The following FER1L6 variants were observed in gnomAD, a reference collection of about 807,000 sequenced individuals.
The protein encoded by FER1L6 is fer-1-like protein 6.
In FER1L6, 177 loss-of-function variants were observed where a neutral mutation model predicts 219.2. The ratio of observed to expected loss-of-function variants is 0.81; its 90% CI spans 0.71 to 0.91. FER1L6 has a LOEUF of 0.91. Ranked by LOEUF, FER1L6 falls within the 40% of genes least tolerant of loss-of-function variation. The probability of loss-of-function intolerance (pLI) is 0.00; values close to 1 mark genes in which losing one functional copy is unlikely to be tolerated. For missense variants in FER1L6, 2,153 were observed against 2,259.9 expected (o/e 0.95, Z 0.96); for synonymous variants, 768 against 824.3 (o/e 0.93, Z 1.17).
chr8:124,109,751 G>T (rs573090647), intron 39 of FER1L6, among the ~76,000 whole-genome samples: 1 of 152,244 alleles, frequency 6.6e-6, no homozygotes, highest in East Asian at 1.9e-4. Flanking sequence ...GCTTTGGTAG[G>T]ATATCCTGAA....
intron 33 of FER1L6, among the ~76,000 whole-genome samples, 171 bp downstream of exon 33, chr8:124,082,629 G>A (rs1037845517): frequency 1.3e-5 from 2 of 152,146 alleles, no homozygotes; most frequent in African/African-American, 4.8e-5. Flanking sequence ...ACTCTGTTCA[G>A]TGCATTTGAG....
At chr8:123,999,288 T>G (rs1817294896) in intron 12 of FER1L6, among the ~76,000 whole-genome samples, 1 of 152,234 alleles carries the variant, frequency 6.6e-6, no homozygotes, top group Non-Finnish European at 1.5e-5. Context: ...TGATTAATTC[T>G]GCTAGGACTG....
chr8:124,024,633 A>G (rs1378591141), intron 18 of FER1L6, among the ~76,000 whole-genome samples: 1 of 152,144 alleles, frequency 6.6e-6, no homozygotes, highest in Non-Finnish European at 1.5e-5. Flanking sequence ...TGTTGATTCC[A>G]TATCTTTGCA....
chr8:124,068,831 T>C (rs570415217), intron 28 of FER1L6, among the ~76,000 whole-genome samples: 2 of 152,280 alleles, frequency 1.3e-5, no homozygotes, highest in East Asian at 3.9e-4. Context: ...GATTTATATG[T>C]GCATGGGGTG....
At chr8:123,924,130 G>A (rs1813470800) in intron 1 of FER1L6, among the ~76,000 whole-genome samples, 1 of 150,672 alleles carries the variant, frequency 6.6e-6, no homozygotes, top group African/African-American at 2.4e-5. Flanking sequence ...AGCTACTCCA[G>A]AGGCTGAGGC....
chr8:124,066,479 G>A lies in FER1L6; in HGVS notation c.3607G>A (p.Ala1203Thr), dbSNP rs1317097976. The part of the protein sequence containing the change: ...RSTKRRKRTI[A>T]DESAENVIDW... The stretch of plus-strand genomic sequence containing the variant: ...CACTAAGAGGAGAAAGAGGACCATA[G>A]CAGATGAATCTGCTGAAAACGTGAT... Residue 1203 changes from alanine to threonine, a missense_variant, in exon 27 of 41, where the codon GCA becomes ACA. Transcript: ENST00000522917. The A allele has an allele frequency of 4.3e-6, 7 of 1,613,978 alleles. No homozygotes were observed. In the African/African-American group the frequency reaches 8.0e-5, roughly 18 times the overall value.
At chr8:123,984,598 G>A (rs1816475716) in intron 11 of FER1L6, 1 of 152,120 alleles carries the variant, frequency 6.6e-6, no homozygotes, top group South Asian at 2.1e-4. Flanking sequence ...AGGTGAGATA[G>A]GAGGCTAGTT....
At chr8:123,997,692 T>G (rs894700457) in intron 12 of FER1L6, among the ~76,000 whole-genome samples, 1 of 152,168 alleles carries the variant, frequency 6.6e-6, no homozygotes, top group Non-Finnish European at 1.5e-5. Context: ...TAGGCATGTT[T>G]TATTCTTTTC....
At chr8:124,025,859 AT>A (rs1818686049) in intron 18 of FER1L6, among the ~76,000 whole-genome samples, 1 of 152,004 alleles carries the variant, frequency 6.6e-6, no homozygotes, top group African/African-American at 2.4e-5. Context: ...TAGAATGAAC[AT>A]TTTTCTATCA....
intron 15 of FER1L6, 64 bp from the exon 16 acceptor site, chr8:124,017,564 C>T (rs746294090): frequency 6.2e-6 from 8 of 1,284,298 alleles, no homozygotes; most frequent in African/African-American, 3.0e-5. Flanking sequence ...ATTTGCAAAC[C>T]TCTGGAATTA....
chr8:124,091,839 T>A (rs973847501), intron 34 of FER1L6, among the ~76,000 whole-genome samples: 3 of 151,750 alleles, frequency 2.0e-5, no homozygotes, highest in Non-Finnish European at 4.4e-5. Flanking sequence ...TGGTGGCAGA[T>A]GCCTGTAATC....
At chr8:124,029,707 T>C (rs1300919112) in intron 18 of FER1L6, among the ~76,000 whole-genome samples, 2 of 152,256 alleles carry the variant, frequency 1.3e-5, no homozygotes, top group Admixed American at 6.5e-5. Flanking sequence ...TATCCCATTC[T>C]GTAGATTGCC....
intron 27 of FER1L6, among the ~76,000 whole-genome samples, chr8:124,066,928 C>T (rs1203394621): frequency 6.6e-6 from 1 of 152,060 alleles, no homozygotes; most frequent in Non-Finnish European, 1.5e-5. Flanking sequence ...AGTCTAAGGA[C>T]CCCAAGTCTT....
intron 22 of FER1L6, among the ~76,000 whole-genome samples, 170 bp downstream of exon 22, chr8:124,049,926 G>A (rs1290096533): frequency 6.6e-6 from 1 of 152,212 alleles, no homozygotes; most frequent in Non-Finnish European, 1.5e-5. Flanking sequence ...AGGTGACTTG[G>A]ACTATTCCCA....
chr8:123,908,813 T>C (rs1586455687), intron 1 of FER1L6, among the ~76,000 whole-genome samples: 1 of 152,212 alleles, frequency 6.6e-6, no homozygotes. Context: ...ATAGACTCTA[T>C]GGAGGAGTGA....
At position 124,023,331 on chromosome 8, in the gene FER1L6, G is replaced by A. The variant is rs1586603552; in HGVS notation, c.2134-113G>A. 5.7e-6 allele frequency: 6 copies of A among 1,048,884 alleles called. No homozygotes were observed. In the East Asian group the frequency reaches 1.2e-4, roughly 21 times the overall value. 65.0% of individuals were successfully genotyped at this position (1,048,884 alleles called of 1,614,324 possible). A position where few individuals can be genotyped will look rare whatever the true frequency, so the allele number is the denominator to read the frequency against. On this transcript the variant is annotated intron_variant, in intron 17 of 40. Transcript: ENST00000522917. Reference sequence around the variant, plus strand: ...CTAGATGGTGTCAGTCACAGCATTTGTTTTGTCGAAGAGGGAATATTTCAG... The same window carrying A: ...CTAGATGGTGTCAGTCACAGCATTTATTTTGTCGAAGAGGGAATATTTCAG...
intron 1 of FER1L6, among the ~76,000 whole-genome samples, chr8:123,940,996 C>G (rs1342810986): frequency 6.6e-6 from 1 of 152,130 alleles, no homozygotes; most frequent in African/African-American, 2.4e-5. Context: ...GCAGTTTTGT[C>G]TGTTTCTTTT....
At chr8:124,051,670 G>A (rs931817430) in intron 22 of FER1L6, among the ~76,000 whole-genome samples, 8 of 152,218 alleles carry the variant, frequency 5.3e-5, no homozygotes, top group African/African-American at 1.9e-4. Context: ...AATATGGCGA[G>A]TGAGAGCCTA....
rs144012303 is a variant in FER1L6, at chr8:123,857,245, C to T, written c.-8+5060C>T. Among the ~76,000 whole-genome samples, 1,130 of 152,298 alleles carry T rather than the reference C, an allele frequency of 7.4e-3. 7 individuals are homozygous for T. Among genetic ancestry groups the T allele is most frequent in the Non-Finnish European group, 0.011 (718 of 68,030 alleles). ...TAGTCCAGGCCTTGGCACGATGGCT[C>T]ATGCCTGTAATCTCAGCACTTTGGG... On this transcript the variant is annotated intron_variant, in intron 1 of 40. Coordinates refer to ENST00000522917, the MANE Select transcript of FER1L6 (RefSeq NM_001039112.2).
Sources: gnomAD v4.1 joint callset for allele counts (sites outside exome capture counted in the v4.1 genomes callset) on GRCh38, gnomAD v4.1.1 for gene constraint, MANE v1.5 for transcripts, NCBI Gene and HGNC (gene_info 2026-07-23, HGNC 2026-07-21) for gene names.